The following POU2F2 variants were observed in gnomAD, a reference collection of about 807,000 sequenced individuals.
POU2F2 encodes POU class 2 homeobox 2.
Under a neutral mutation model 63.5 loss-of-function variants are expected in POU2F2, and 14 were observed. The ratio of observed to expected loss-of-function variants is 0.22; its 90% CI spans 0.15 to 0.34. The LOEUF (loss-of-function observed/expected upper bound fraction) is 0.34. Among genes scored for constraint, POU2F2 ranks in the 10% least tolerant of loss-of-function variants. The pLI is 1.00. For missense variants in POU2F2, 607 were observed against 815.2 expected, an observed-to-expected ratio of 0.74 and a Z score of 3.11; for synonymous variants, 306 against 348.6, an observed-to-expected ratio of 0.88 and a Z score of 1.36.
At chr19:42,107,035 A>G (rs1287063275) in intron 5 of POU2F2, among the ~76,000 whole-genome samples, 3 of 151,946 alleles carry the variant, frequency 2.0e-5, no homozygotes, top group Non-Finnish European at 4.4e-5. Context: ...TCCAAAAAAC[A>G]AAATAAAATA....
chr19:42,136,328 G>C (rs530703227), upstream of POU2F2, among the ~76,000 whole-genome samples: 9 of 151,836 alleles, frequency 5.9e-5, no homozygotes, highest in African/African-American at 2.2e-4. Context: ...GGGACCACAG[G>C]CGTGCACCAC....
intron 2 of POU2F2, among the ~76,000 whole-genome samples, chr19:42,160,121 C>T (rs771535824): frequency 7.9e-4 from 120 of 152,248 alleles, no homozygotes; most frequent in Middle Eastern, 3.4e-3. Flanking sequence ...CCACAGTCAT[C>T]AACACCAAGA....
chr19:42,146,032 C>CAAAAAAAAAA (rs1004458482), intron 2 of POU2F2, among the ~76,000 whole-genome samples: 2 of 49,762 alleles, frequency 4.0e-5, no homozygotes, highest in Non-Finnish European at 8.9e-5. Flanking sequence ...GACTCCGTCT[C>CAAAAAAAAAA]AAAAAAAAAA....
At chr19:42,129,017 G>C (rs1300725775) in intron 1 of POU2F2, among the ~76,000 whole-genome samples, 1 of 152,000 alleles carries the variant, frequency 6.6e-6, no homozygotes, top group Admixed American at 6.6e-5. Context: ...ATTTTTATTA[G>C]AGACGGGGTT....
chr19:42,091,435 C>T lies in POU2F2; in HGVS notation c.1697G>A (p.Gly566Asp). The T allele has an allele frequency of 6.4e-7, 1 of 1,550,482 alleles. No homozygotes were observed. The highest frequency in any genetic ancestry group is 8.7e-7 in the Non-Finnish European group (1 of 1,146,936). Residue 566 changes from glycine (G) to aspartate (D), a missense_variant, in exon 15 of 15, where the codon GGT becomes GAT. Around this residue, in one of 7 missense-constraint regions of POU2F2, gnomAD observed 270 missense variants for 307.5 expected, o/e 0.88. Coordinates refer to ENST00000692977, the MANE Select transcript of POU2F2 (RefSeq NM_001394376.1). ...AGLPLLSTPP[G>D]VGLVSAAAAA... ...AGCCGCTGCTGAGACCAGGCCCACACCAGGCGGGGTGCTGAGCAGGGGCAG... is the reference window on the plus strand; with the variant it reads ...AGCCGCTGCTGAGACCAGGCCCACATCAGGCGGGGTGCTGAGCAGGGGCAG...
At chr19:42,143,174 C>T (rs554567443) in intron 2 of POU2F2, among the ~76,000 whole-genome samples, 4 of 152,124 alleles carry the variant, frequency 2.6e-5, no homozygotes, top group Admixed American at 2.6e-4. Context: ...ACCAGCCTGG[C>T]CAACATGGTG....
intron 2 of POU2F2, among the ~76,000 whole-genome samples, chr19:42,146,733 C>T (rs2034242559): frequency 6.6e-6 from 1 of 152,198 alleles, no homozygotes; most frequent in Admixed American, 6.5e-5. Context: ...CTTTAGGGTT[C>T]ACATGGAGAA....
At chr19:42,196,204 G>A (rs2035143895) in intron 1 of POU2F2, among the ~76,000 whole-genome samples, 1 of 152,058 alleles carries the variant, frequency 6.6e-6, no homozygotes, top group African/African-American at 2.4e-5. Context: ...CAGCACCCAG[G>A]CCACAGTCCC....
intron 1 of POU2F2, among the ~76,000 whole-genome samples, chr19:42,195,087 A>AACGAAGAG (rs2035123815): frequency 3.4e-4 from 3 of 8,748 alleles, no homozygotes. Context: ...GGGAGGGAGG[A>AACGAAGAG]AGGGAGGAAG....
chr19:42,197,579 G>T (rs933465219), upstream of POU2F2, among the ~76,000 whole-genome samples: 5 of 152,190 alleles, frequency 3.3e-5, no homozygotes, highest in Non-Finnish European at 5.9e-5. Flanking sequence ...CACCCCTGAG[G>T]AAGGAAAACC....
chr19:42,116,857 G>A (rs1405333383), intron 5 of POU2F2: 3 of 427,556 alleles, frequency 7.0e-6, no homozygotes, highest in Non-Finnish European at 1.4e-5. Context: ...GGAGGAGGAG[G>A]AAGTAGAGGA....
intron 5 of POU2F2, chr19:42,116,889 GGCGGCAGCGGCGTTA>G (rs1376579794): frequency 1.9e-5 from 9 of 475,332 alleles, no homozygotes; most frequent in African/African-American, 6.0e-5. Context: ...CGGCGGCGGC[GGCGGCAGCGGCGTTA>G]GCGGCAGCGG....
rs896030637 is a variant in POU2F2, at chr19:42,095,480, G to A, written c.1021-18C>T. 22 of 1,609,892 alleles carry A rather than the reference G, an allele frequency of 1.4e-5. No individual in the cohort carries two copies. In the Admixed American group the frequency reaches 2.3e-4, roughly 17 times the overall value. On this transcript the variant is annotated intron_variant, in intron 10 of 14. Transcript: ENST00000692977. The surrounding 1 kb of genome is among the most constrained non-coding windows in gnomAD (Gnocchi z 7.1). ...TTCTGGTTCTGCAGGCAGAGGGCTC[G>A]TTAGCCCGAGGCCCACCGCCCGCCA...
Position 42,188,629 on chromosome 19 carries a change from C to T in POU2F2, c.-70+7754G>A, listed in dbSNP as rs888146684. ...GAGGTTGCAGTGAGCCGAGATTGCG[C>T]CATTGCACTCCAGCCTGGGGGACGA... On this transcript the variant is annotated intron_variant, in intron 1 of 5. Coordinates refer to the POU2F2 transcript ENST00000532176. Among the ~76,000 whole-genome samples, 42 of 146,866 alleles carry T rather than the reference C, an allele frequency of 2.9e-4. 1 individual carries two copies. The highest frequency in any genetic ancestry group is 6.8e-4 in the Admixed American group (10 of 14,782).
chr19:42,160,912 G>A (rs976971293), intron 1 of POU2F2, among the ~76,000 whole-genome samples: 10 of 152,202 alleles, frequency 6.6e-5, no homozygotes, highest in African/African-American at 2.4e-4. Context: ...AAAAATAAAA[G>A]TCATAATGAT....
At chr19:42,098,672 T>G (rs1394245995) in intron 7 of POU2F2, among the ~76,000 whole-genome samples, 1 of 152,176 alleles carries the variant, frequency 6.6e-6, no homozygotes, top group African/African-American at 2.4e-5. Flanking sequence ...TTCTGAGCAT[T>G]TGGGATTTCA....
intron 1 of POU2F2, among the ~76,000 whole-genome samples, chr19:42,163,559 C>T (rs573935696): frequency 5.3e-5 from 8 of 152,164 alleles, no homozygotes; most frequent in South Asian, 2.1e-4. Flanking sequence ...CCTGCTGACA[C>T]GGCACATGTC....
At chr19:42,171,885 G>A (rs1264696814) in intron 1 of POU2F2, among the ~76,000 whole-genome samples, 1 of 152,188 alleles carries the variant, frequency 6.6e-6, no homozygotes, top group African/African-American at 2.4e-5. Flanking sequence ...GTGTGCACAA[G>A]CACACTCATG....
intron 1 of POU2F2, among the ~76,000 whole-genome samples, chr19:42,189,026 G>A (rs2035048187): frequency 6.6e-6 from 1 of 152,138 alleles, no homozygotes; most frequent in South Asian, 2.1e-4. Flanking sequence ...GGTCGATGGA[G>A]TTAAAGCTTT....
Sources: allele counts gnomAD v4.1 joint callset (sites outside exome capture counted in the v4.1 genomes callset), GRCh38; gene constraint gnomAD v4.1.1; regional missense constraint gnomAD v4.1.1; non-coding constraint Gnocchi (gnomAD v3.1); transcripts MANE v1.5; gene names NCBI Gene and HGNC (gene_info 2026-07-23, HGNC 2026-07-21).